Variants in WDTC1 observed in about 807,000 individuals in gnomAD.
WDTC1 encodes WD and tetratricopeptide repeats 1.
Under a neutral mutation model 76.0 loss-of-function variants are expected in WDTC1, and 12 were observed. The observed-to-expected ratio is 0.16, with a 90% confidence interval of 0.10 to 0.26. The LOEUF (loss-of-function observed/expected upper bound fraction) is 0.26. Among genes scored for constraint, WDTC1 ranks in the 10% least tolerant of loss-of-function variants. WDTC1 has a pLI of 1.00. For missense variants in WDTC1, 511 were observed against 908.8 expected, an observed-to-expected ratio of 0.56 and a Z score of 5.63; for synonymous variants, 326 against 350.8, an observed-to-expected ratio of 0.93 and a Z score of 0.79.
intron 3 of WDTC1, 151 bp from the exon 4 acceptor site, chr1:27,282,088 C>A: frequency 1.6e-6 from 1 of 641,072 alleles, no homozygotes; most frequent in Non-Finnish European, 2.8e-6. Context: ...AGACGCTAGT[C>A]AGTTTAAGTC....
chr1:27,302,534 A>C (rs1231953264), intron 13 of WDTC1, among the ~76,000 whole-genome samples: 1 of 152,114 alleles, frequency 6.6e-6, no homozygotes, highest in Non-Finnish European at 1.5e-5. Flanking sequence ...CAGGAGTTCA[A>C]TATCAGCTAG....
intron 13 of WDTC1, among the ~76,000 whole-genome samples, chr1:27,302,633 C>T (rs929911900): frequency 5.3e-5 from 8 of 151,992 alleles, no homozygotes; most frequent in East Asian, 1.9e-4. Context: ...CCCAGCTCCT[C>T]GGGCAGCTGA....
At position 27,303,573 on chromosome 1, in the gene WDTC1, G is replaced by T. The variant is rs771473859; in HGVS notation, c.1469-48G>T. 1 of 1,532,962 alleles carries T rather than the reference G, an allele frequency of 6.5e-7. No homozygotes were observed. The highest frequency in any genetic ancestry group is 1.3e-5 in the South Asian group (1 of 78,318). 95.0% of individuals were successfully genotyped at this position (1,532,962 alleles called of 1,614,324 possible). On this transcript the variant is annotated intron_variant, in intron 13 of 15. Coordinates refer to ENST00000319394, the MANE Select transcript of WDTC1 (RefSeq NM_001276252.2). The surrounding 1 kb of genome is among the most constrained non-coding windows in gnomAD (Gnocchi z 4.8). ...GCCATAGGTGGGGGAAAATAGGGAAGGAGAGAAAGGAACAAGGCGCTTACC... is the reference window on the plus strand; with the variant it reads ...GCCATAGGTGGGGGAAAATAGGGAATGAGAGAAAGGAACAAGGCGCTTACC...
chr1:27,292,548 C>T (rs935395028), intron 7 of WDTC1, 151 bp downstream of exon 7: 1 of 685,008 alleles, frequency 1.5e-6, no homozygotes, highest in African/African-American at 1.9e-5. Flanking sequence ...CCATCTCAGC[C>T]TCTCAAGTAG....
intron 1 of WDTC1, among the ~76,000 whole-genome samples, chr1:27,253,948 C>T (rs552398836): frequency 1.3e-5 from 2 of 152,190 alleles, no homozygotes; most frequent in African/African-American, 2.4e-5. Flanking sequence ...TTCTCATCCT[C>T]GAATAACTAT....
intron 7 of WDTC1, 119 bp downstream of exon 7, chr1:27,292,516 C>A: frequency 1.0e-6 from 1 of 966,342 alleles, no homozygotes; most frequent in Non-Finnish European, 1.4e-6. Flanking sequence ...CAGCCTCAAC[C>A]TCCCAGGCTC....
At chr1:27,236,068 C>T (rs1272540187) in intron 1 of WDTC1, among the ~76,000 whole-genome samples, 1 of 152,196 alleles carries the variant, frequency 6.6e-6, no homozygotes, top group South Asian at 2.1e-4. Context: ...GCCCAGTGGT[C>T]CCTACTAAGC....
At chr1:27,238,234 A>G (rs1557472059) in intron 1 of WDTC1, among the ~76,000 whole-genome samples, 1 of 152,058 alleles carries the variant, frequency 6.6e-6, no homozygotes, top group Non-Finnish European at 1.5e-5. Context: ...GAAGAACTGA[A>G]AAGACCAAGG....
chr1:27,236,551 G>A (rs568308003), intron 1 of WDTC1, among the ~76,000 whole-genome samples: 2 of 152,332 alleles, frequency 1.3e-5, no homozygotes, highest in South Asian at 4.1e-4. Context: ...AGGGTCACGA[G>A]GGAAAGAGAG....
intron 1 of WDTC1, among the ~76,000 whole-genome samples, chr1:27,257,369 A>G (rs961647048): frequency 3.3e-5 from 5 of 152,088 alleles, no homozygotes; most frequent in Non-Finnish European, 7.4e-5. Flanking sequence ...ATGAGTGTCT[A>G]CTTGGAAAGA....
intron 7 of WDTC1, among the ~76,000 whole-genome samples, chr1:27,292,757 C>CTTT (rs1304057627): frequency 2.7e-4 from 31 of 113,456 alleles, no homozygotes; most frequent in African/African-American, 5.0e-4. Flanking sequence ...TATTGTTTTA[C>CTTT]TTTTTTTTTT....
chr1:27,283,791 A>G (rs1351260750), intron 5 of WDTC1, among the ~76,000 whole-genome samples: 1 of 152,156 alleles, frequency 6.6e-6, no homozygotes, highest in African/African-American at 2.4e-5. Flanking sequence ...AAATCACCTG[A>G]CCTGTCTGAG....
At position 27,297,965 on chromosome 1, in the gene WDTC1, G is replaced by A. The variant is rs1238536450; in HGVS notation, c.1086G>A (p.Leu362=). The A allele has an allele frequency of 1.1e-5, 18 of 1,613,626 alleles. No individual in the cohort carries two copies. The highest frequency in any genetic ancestry group is 1.4e-5 in the Non-Finnish European group (17 of 1,179,724). ...CCCAAGTAGAGCTACCACCATACCT[G>A]GAGCGTGTGAAACAGCAAGCCAATG... ...VSPQVELPPY[L]ERVKQQANEA... The change falls in exon 12 of 16, where the codon CTG becomes CTA. Residue 362 remains leucine, a synonymous_variant. Coordinates refer to ENST00000319394, the MANE Select transcript of WDTC1 (RefSeq NM_001276252.2).
chr1:27,306,595 T>A lies in WDTC1; in HGVS notation c.*212T>A. 1.6e-6 allele frequency: 1 copy of A among 626,636 alleles called. No homozygotes were observed. Among genetic ancestry groups the A allele is most frequent in the Non-Finnish European group, 2.7e-6 (1 of 367,178 alleles). The allele number at this position is 626,636 out of a possible 1,614,324, so 38.8% of individuals were successfully genotyped here. The stretch of plus-strand genomic sequence containing the variant: ...ATTGTCCCCTGACTATCCCCAGCCC[T>A]GAAAAAAAGAGCAGGAGGGGACACC... On this transcript the variant is annotated 3_prime_UTR_variant, in exon 16 of 16. Transcript: ENST00000319394. The surrounding 1 kb of genome is among the most constrained non-coding windows in gnomAD (Gnocchi z 5.0).
At chr1:27,258,667 G>A (rs1257533483) in intron 1 of WDTC1, among the ~76,000 whole-genome samples, 3 of 152,140 alleles carry the variant, frequency 2.0e-5, no homozygotes, top group East Asian at 1.9e-4. Context: ...ATTTGGCAGC[G>A]AGTTTTTTTT....
intron 1 of WDTC1, among the ~76,000 whole-genome samples, chr1:27,251,828 C>T (rs1478427380): frequency 6.6e-6 from 1 of 151,858 alleles, no homozygotes; most frequent in African/African-American, 2.4e-5. Flanking sequence ...CTCTATTAAA[C>T]AAATCAAAAT....
intron 3 of WDTC1, among the ~76,000 whole-genome samples, chr1:27,269,665 A>G (rs1268009382): frequency 1.7e-5 from 2 of 120,902 alleles, no homozygotes; most frequent in Non-Finnish European, 3.2e-5. Context: ...CCCAGGCTGG[A>G]GTGCAGTGGC....
chr1:27,296,505 C>CA, intron 10 of WDTC1, 104 bp downstream of exon 10: 1 of 1,210,976 alleles, frequency 8.3e-7, no homozygotes, highest in Non-Finnish European at 1.2e-6. Flanking sequence ...CGTGATCCTC[C>CA]AAAAATAGCA....
intron 4 of WDTC1, 58 bp downstream of exon 4, chr1:27,282,343 C>G: frequency 6.5e-7 from 1 of 1,544,662 alleles, no homozygotes. Flanking sequence ...GAGGGTGGAA[C>G]AGCAAGGCTC....
Sources: allele counts gnomAD v4.1 joint callset (sites outside exome capture counted in the v4.1 genomes callset), GRCh38; gene constraint gnomAD v4.1.1; non-coding constraint Gnocchi (gnomAD v3.1); transcripts MANE v1.5; gene names NCBI Gene and HGNC (gene_info 2026-07-23, HGNC 2026-07-21).